The following RAB11FIP4 variants were observed in gnomAD, a reference collection of about 807,000 sequenced individuals.
RAB11FIP4 encodes the protein rab11 family-interacting protein 4.
A neutral mutation model predicts 74.3 loss-of-function variants in RAB11FIP4; 23 were observed. That is an observed-to-expected ratio of 0.31 (90% CI 0.22 to 0.44). RAB11FIP4 has a LOEUF of 0.44. RAB11FIP4 is among the 20% of genes least tolerant of loss of function. The pLI, the probability that RAB11FIP4 is intolerant of heterozygous loss-of-function variation, is 1.00. For missense variants in RAB11FIP4, 630 were observed against 863.9 expected, an observed-to-expected ratio of 0.73 and a Z score of 3.39; for synonymous variants, 360 against 359.9, an observed-to-expected ratio of 1.00 and a Z score of 0.00.
intron 3 of RAB11FIP4, among the ~76,000 whole-genome samples, chr17:31,474,043 A>G (rs757956954): frequency 2.6e-5 from 4 of 152,168 alleles, no homozygotes; most frequent in Non-Finnish European, 4.4e-5. Context: ...TTGAAGGACT[A>G]TCTTGGCTCC....
At chr17:31,435,943 GT>G (rs1238114884) in intron 3 of RAB11FIP4, among the ~76,000 whole-genome samples, 1 of 152,272 alleles carries the variant, frequency 6.6e-6, no homozygotes, top group African/African-American at 2.4e-5. Flanking sequence ...CTCCAGGCCT[GT>G]CTTGATGGGT....
intron 3 of RAB11FIP4, among the ~76,000 whole-genome samples, chr17:31,446,735 G>A (rs762298166): frequency 6.6e-6 from 1 of 152,138 alleles, no homozygotes; most frequent in Non-Finnish European, 1.5e-5. Flanking sequence ...GCTTCTCCGG[G>A]TACCTGTGCC....
intron 3 of RAB11FIP4, among the ~76,000 whole-genome samples, chr17:31,505,504 TTATA>T (rs1491487103): frequency 1.5e-5 from 1 of 64,824 alleles, no homozygotes; most frequent in East Asian, 2.6e-4. Flanking sequence ...AATTATTATA[TTATA>T]TATAATAATT....
intron 3 of RAB11FIP4, among the ~76,000 whole-genome samples, chr17:31,437,144 G>A (rs1279870805): frequency 6.6e-6 from 1 of 152,160 alleles, no homozygotes; most frequent in Non-Finnish European, 1.5e-5. Context: ...TAGTGAGATG[G>A]CGGTAGCTGT....
chr17:31,516,736 G>T (rs963697462), intron 3 of RAB11FIP4, among the ~76,000 whole-genome samples: 1 of 152,230 alleles, frequency 6.6e-6, no homozygotes, highest in Non-Finnish European at 1.5e-5. Context: ...CCAAGTGCTG[G>T]GATTACAGGC....
intron 3 of RAB11FIP4, among the ~76,000 whole-genome samples, chr17:31,469,786 G>A (rs178890): frequency 0.56 from 84,535 of 152,092 alleles, 24,466 homozygotes; most frequent in East Asian, 0.64. Flanking sequence ...ATGTCTATCC[G>A]TAAGGCAATC....
At chr17:31,516,437 A>G (rs753920527) in intron 3 of RAB11FIP4, among the ~76,000 whole-genome samples, 1 of 152,192 alleles carries the variant, frequency 6.6e-6, no homozygotes, top group Non-Finnish European at 1.5e-5. Flanking sequence ...ATGCACAAAC[A>G]AAACAAAGAA....
intron 3 of RAB11FIP4, among the ~76,000 whole-genome samples, chr17:31,485,286 C>A (rs1486879784): frequency 6.6e-6 from 1 of 152,186 alleles, no homozygotes; most frequent in Non-Finnish European, 1.5e-5. Context: ...GGACAAGTAC[C>A]TGCAGACATT....
intron 3 of RAB11FIP4, among the ~76,000 whole-genome samples, chr17:31,497,892 A>T (rs2072146955): frequency 6.6e-6 from 1 of 152,022 alleles, no homozygotes; most frequent in African/African-American, 2.4e-5. Flanking sequence ...CAGTAGCCCA[A>T]CCTCCTCAGT....
intron 3 of RAB11FIP4, among the ~76,000 whole-genome samples, chr17:31,450,868 C>G (rs868483870): frequency 2.0e-5 from 3 of 149,058 alleles, no homozygotes; most frequent in Non-Finnish European, 4.4e-5. Context: ...TCCGTCCCCT[C>G]AGCCCCAAGA....
In RAB11FIP4 at chr17:31,391,733, C is replaced by T. The variant is rs2151610028; in HGVS notation, c.-120C>T. ...CGGATCGGCCGCGGCCGCCACCGGG[C>T]GGAGGCTGCGCGGCGCAGACCCAGA... On this transcript the variant is annotated 5_prime_UTR_variant, in exon 1 of 15. Coordinates refer to ENST00000621161, the MANE Select transcript of RAB11FIP4 (RefSeq NM_032932.6). 11 of 758,280 alleles carry T rather than the reference C, an allele frequency of 1.5e-5. No homozygotes were observed. The highest frequency in any genetic ancestry group is 1.6e-5 in the Non-Finnish European group (10 of 624,080). The allele number at this position is 758,280 out of a possible 1,614,324, so 47.0% of individuals were successfully genotyped here.
At chr17:31,468,557 AC>A (rs1473819609) in intron 3 of RAB11FIP4, among the ~76,000 whole-genome samples, 2 of 152,276 alleles carry the variant, frequency 1.3e-5, no homozygotes, top group East Asian at 3.9e-4. Flanking sequence ...CTGGCTGGGC[AC>A]TGTGTCTCAT....
chr17:31,481,572 G>T (rs1172551119), intron 3 of RAB11FIP4, among the ~76,000 whole-genome samples: 3 of 152,132 alleles, frequency 2.0e-5, no homozygotes, highest in African/African-American at 7.2e-5. Context: ...CCTGGGTTTT[G>T]CTGTCTGGGT....
rs543918561 is a variant in RAB11FIP4 at position 31,531,315 on chromosome 17, T to G, written c.1798-301T>G. Among the ~76,000 whole-genome samples, 49 of 152,318 alleles carry G rather than the reference T, an allele frequency of 3.2e-4. No homozygotes were observed. In the Middle Eastern group the frequency reaches 0.014, roughly 42 times the overall value. ...TTGTCAGTCTTGATTTTAAATGACT[T>G]TGGCTAGTGTTTTCTACTTTTGCAA... is the stretch of plus-strand genomic sequence containing the variant. On this transcript the variant is annotated intron_variant, in intron 14 of 14. Coordinates refer to ENST00000621161, the MANE Select transcript of RAB11FIP4 (RefSeq NM_032932.6).
At chr17:31,445,572 ATATATATTTTTTTTTTT>A (rs1356834248) in intron 3 of RAB11FIP4, among the ~76,000 whole-genome samples, 20 of 10,696 alleles carry the variant, frequency 1.9e-3, no homozygotes, top group East Asian at 0.016. Flanking sequence ...ATATATATAT[ATATATATTTTTTTTTTT>A]TTTTTTTTTT....
At chr17:31,462,024 G>T (rs905027509) in intron 3 of RAB11FIP4, among the ~76,000 whole-genome samples, 3 of 152,110 alleles carry the variant, frequency 2.0e-5, no homozygotes, top group Non-Finnish European at 4.4e-5. Context: ...CACTTTGGGA[G>T]GCCAAGATGG....
rs143304350 is a variant in RAB11FIP4 at position 31,461,721 on chromosome 17, CT to C, written c.336+27613del. On this transcript the variant is annotated intron_variant, in intron 3 of 14. Transcript: ENST00000621161. ...ACAAGCATGATCCACTGCACCCAGC[CT>C]TTTTTTTTTTTTTGAGACAAGGTCT... 7.6e-3 allele frequency among the ~76,000 whole-genome samples: 1,080 copies of C among 142,576 alleles called. 1 individual carries two copies. Among genetic ancestry groups the C allele is most frequent in the Non-Finnish European group, 9.3e-3 (598 of 64,558 alleles). The allele number at this position is 142,576 out of a possible 152,430, so 93.5% of individuals were successfully genotyped here. A position where few individuals can be genotyped will look rare whatever the true frequency, so the allele number is the denominator to read the frequency against.
intron 3 of RAB11FIP4, among the ~76,000 whole-genome samples, chr17:31,475,878 G>A (rs1360198133): frequency 2.0e-5 from 3 of 151,868 alleles, no homozygotes; most frequent in African/African-American, 7.3e-5. Context: ...AAGAAGGCTG[G>A]GACGTGCCTT....
chr17:31,411,442 G>C (rs1415414311), intron 1 of RAB11FIP4, among the ~76,000 whole-genome samples: 1 of 152,194 alleles, frequency 6.6e-6, no homozygotes, highest in African/African-American at 2.4e-5. Flanking sequence ...CTAAGTCCCT[G>C]ACTCTCTGGA....
Sources: gnomAD v4.1 joint callset for allele counts (sites outside exome capture counted in the v4.1 genomes callset) on GRCh38, gnomAD v4.1.1 for gene constraint, MANE v1.5 for transcripts, NCBI Gene and HGNC (gene_info 2026-07-23, HGNC 2026-07-21) for gene names.